The following DENND2C variants were observed in gnomAD, a reference collection of about 807,000 sequenced individuals.
The protein encoded by DENND2C is DENN domain-containing protein 2C.
Under a neutral mutation model 112.4 loss-of-function variants are expected in DENND2C, and 72 were observed. The ratio of observed to expected loss-of-function variants is 0.64; its 90% CI spans 0.53 to 0.78. The LOEUF (loss-of-function observed/expected upper bound fraction) is 0.78. Among genes scored for constraint, DENND2C ranks in the 30% least tolerant of loss-of-function variants. DENND2C has a pLI of 0.00. For synonymous variants in DENND2C, 329 were observed against 381.6 expected, an observed-to-expected ratio of 0.86 and a Z score of 1.61; for missense variants, 992 against 1,113.8, an observed-to-expected ratio of 0.89 and a Z score of 1.56.
chr1:114,594,609 T>C (rs1655290086), intron 17 of DENND2C, 31 bp from the exon 18 acceptor site: 1 of 1,580,766 alleles, frequency 6.3e-7, no homozygotes, highest in East Asian at 2.2e-5. Context: ...GAGATTTTTC[T>C]TTGTTTGAGA....
chr1:114,634,574 G>A (rs925400497), intron 3 of DENND2C, among the ~76,000 whole-genome samples: 1 of 152,102 alleles, frequency 6.6e-6, no homozygotes, highest in Non-Finnish European at 1.5e-5. Context: ...AATTTTAAAA[G>A]ACTGACATCA....
chr1:114,597,835 G>T (rs932323704), intron 16 of DENND2C, among the ~76,000 whole-genome samples: 2 of 152,088 alleles, frequency 1.3e-5, no homozygotes, highest in African/African-American at 4.8e-5. Flanking sequence ...AAGAGACAAA[G>T]ATTTTTATAA....
intron 3 of DENND2C, among the ~76,000 whole-genome samples, chr1:114,639,857 T>G (rs1274963746): frequency 6.6e-6 from 1 of 152,020 alleles, no homozygotes; most frequent in Non-Finnish European, 1.5e-5. Context: ...TGGCCACCAC[T>G]GCCTTTTTAA....
chr1:114,649,120 A>C (rs147369662), intron 2 of DENND2C, among the ~76,000 whole-genome samples: 3 of 151,676 alleles, frequency 2.0e-5, no homozygotes, highest in Admixed American at 1.3e-4. Flanking sequence ...ATGCCTGACT[A>C]ATTTTTGTAT....
At chr1:114,587,188 CACCATGCCCA>C in intron 20 of DENND2C, 189 bp downstream of exon 20, 1 of 601,376 alleles carries the variant, frequency 1.7e-6, no homozygotes, top group East Asian at 2.9e-5. Context: ...AGGCATAAGC[CACCATGCCCA>C]ACCATGCCCA....
chr1:114,595,937 G>T, intron 16 of DENND2C, 64 bp from the exon 17 acceptor site: 1 of 1,465,028 alleles, frequency 6.8e-7, no homozygotes. Flanking sequence ...CAGGCAATGA[G>T]AATAGTTTTA....
rs1557960847 is a variant in DENND2C at position 114,655,883 on chromosome 1, A to ATATATATATATATATATATATATATAT, written c.-573-1123_-573-1122insATATATATATATATATATATATATATA. 4.8e-5 allele frequency among the ~76,000 whole-genome samples: 6 copies of ATATATATATATATATATATATATATAT among 125,882 alleles called. No individual in the cohort carries two copies. In the East Asian group the frequency reaches 6.6e-4, roughly 14 times the overall value. The allele number at this position is 125,882 out of a possible 152,430, so 82.6% of individuals were successfully genotyped here. ...AAGAACTTTTATATATATATGTATA[A>ATATATATATATATATATATATATATAT]ATATATATATATATATAATATGTAT... On this transcript the variant is annotated intron_variant, in intron 1 of 20. Transcript: ENST00000393274.
At chr1:114,668,150 G>GT (rs1231348384) in intron 1 of DENND2C, among the ~76,000 whole-genome samples, 2 of 152,100 alleles carry the variant, frequency 1.3e-5, no homozygotes, top group African/African-American at 2.4e-5. Flanking sequence ...CAATGTGAAT[G>GT]TAAGGTTTCA....
intron 6 of DENND2C, 49 bp downstream of exon 6, chr1:114,622,938 A>C: frequency 7.0e-7 from 1 of 1,423,214 alleles, no homozygotes; most frequent in Non-Finnish European, 9.7e-7. Context: ...TTTTGTAGAT[A>C]CCATGAATAA....
chr1:114,587,548 A>G, intron 19 of DENND2C, 75 bp from the exon 20 acceptor site: 1 of 1,545,038 alleles, frequency 6.5e-7, no homozygotes, highest in South Asian at 1.1e-5. Flanking sequence ...CTGTGCTTAT[A>G]ACCAGTGTAT....
At chr1:114,651,977 G>A (rs1657179526) in intron 2 of DENND2C, among the ~76,000 whole-genome samples, 1 of 152,150 alleles carries the variant, frequency 6.6e-6, no homozygotes, top group Non-Finnish European at 1.5e-5. Flanking sequence ...GCAGAATGAG[G>A]AGGGTATCCA....
rs773075931 is a variant in DENND2C, at chr1:114,594,523, A to T, written c.2381T>A (p.Ile794Asn). The change falls in exon 18 of 21, where the codon ATT becomes AAT. Residue 794 changes from isoleucine to asparagine, a missense_variant. Physicochemically the swap from Ile to Asn is moderately radical, Grantham distance 149 (BLOSUM62 -3). Transcript: ENST00000393274. Reference sequence around the variant, plus strand: ...CAAGATTTCATTTCGTTCTTCCAAAATCTGCATCAGGGCAGCTTGAAGTTT... The same window carrying T: ...CAAGATTTCATTTCGTTCTTCCAAATTCTGCATCAGGGCAGCTTGAAGTTT... ...PPKLQAALMQ[I>N]LEERNEILTQ... is the part of the protein sequence containing the mutation. 1.8e-5 allele frequency: 29 copies of T among 1,613,868 alleles called. No homozygotes were observed. The Middle Eastern group carries it at 8.2e-4, about 46-fold the overall frequency.
chr1:114,631,271 G>A (rs1462473906), intron 3 of DENND2C, among the ~76,000 whole-genome samples: 2 of 152,056 alleles, frequency 1.3e-5, no homozygotes, highest in African/African-American at 4.8e-5. Context: ...AGCTACTGGG[G>A]TGGCTGAGGG....
chr1:114,600,771 A>G, intron 14 of DENND2C, 49 bp downstream of exon 14: 1 of 1,587,428 alleles, frequency 6.3e-7, no homozygotes, highest in Non-Finnish European at 8.6e-7. Context: ...TACTAGTGTA[A>G]GTCCTGCTTT....
In DENND2C at chr1:114,610,207, C is replaced by T. The variant is rs58684990; in HGVS notation, c.1369+866G>A. Among the ~76,000 whole-genome samples, 986 of 152,206 alleles carry T rather than the reference C, an allele frequency of 6.5e-3. 13 individuals are homozygous for T. The highest frequency in any genetic ancestry group is 0.022 in the African/African-American group (920 of 41,516). ...TGCTGTGATAACTAGAAAGCATCAT[C>T]GTTAGATGAAGGATGAAGGCACCAT... On this transcript the variant is annotated intron_variant, in intron 9 of 20. Transcript: ENST00000393274.
At chr1:114,660,871 G>A (rs1008669393) in intron 1 of DENND2C, among the ~76,000 whole-genome samples, 3 of 152,102 alleles carry the variant, frequency 2.0e-5, no homozygotes, top group Admixed American at 6.5e-5. Context: ...CCTGCACTTT[G>A]GGAGGCCGAG....
chr1:114,589,218 T>C (rs927070062), intron 18 of DENND2C, among the ~76,000 whole-genome samples: 4 of 152,080 alleles, frequency 2.6e-5, no homozygotes, highest in African/African-American at 4.8e-5. Context: ...AATCGTCTTT[T>C]TCCCCCCGCC....
chr1:114,588,837 C>A (rs541006916), intron 18 of DENND2C, among the ~76,000 whole-genome samples: 6 of 152,100 alleles, frequency 3.9e-5, no homozygotes, highest in Non-Finnish European at 8.8e-5. Flanking sequence ...TCAAGCAATT[C>A]TCCCACCTCA....
intron 1 of DENND2C, among the ~76,000 whole-genome samples, chr1:114,657,255 TTTTG>T (rs144399933): frequency 0.012 from 1,803 of 152,324 alleles, 27 homozygotes; most frequent in African/African-American, 0.039. Flanking sequence ...CATTTTTTTC[TTTTG>T]TTTGTTTGTT....
Sources: allele counts gnomAD v4.1 joint callset (sites outside exome capture counted in the v4.1 genomes callset), GRCh38; gene constraint gnomAD v4.1.1; transcripts MANE v1.5; gene names NCBI Gene and HGNC (gene_info 2026-07-23, HGNC 2026-07-21).